EBF1: variants seen among roughly 807,000 people sequenced by gnomAD.
The protein encoded by EBF1 is transcription factor COE1.
Under a neutral mutation model 68.4 loss-of-function variants are expected in EBF1, and 10 were observed. The observed-to-expected ratio is 0.15, with a 90% confidence interval of 0.09 to 0.25. EBF1 has a LOEUF of 0.25. EBF1 is among the 10% of genes least tolerant of loss of function. The pLI, the probability that EBF1 is intolerant of heterozygous loss-of-function variation, is 1.00. For synonymous variants in EBF1, 298 were observed against 299.8 expected, an observed-to-expected ratio of 0.99 and a Z score of 0.06; for missense variants, 509 against 794.4, an observed-to-expected ratio of 0.64 and a Z score of 4.32.
At chr5:158,810,827 C>T (rs928207203) in intron 8 of EBF1, among the ~76,000 whole-genome samples, 1 of 152,086 alleles carries the variant, frequency 6.6e-6, no homozygotes, top group African/African-American at 2.4e-5. Context: ...TTTTGTGTTT[C>T]GCTTTTCTTA....
chr5:158,816,685 C>G (rs969642504), intron 8 of EBF1, among the ~76,000 whole-genome samples: 4 of 152,028 alleles, frequency 2.6e-5, no homozygotes, highest in Non-Finnish European at 5.9e-5. Context: ...GTCCTCTACT[C>G]TAAAGACCAT....
chr5:158,957,628 T>A (rs2127524643), intron 6 of EBF1, among the ~76,000 whole-genome samples: 1 of 152,370 alleles, frequency 6.6e-6, no homozygotes, highest in East Asian at 1.9e-4. Flanking sequence ...GTGTTTCAGG[T>A]AAGCCATAGT....
intron 6 of EBF1, among the ~76,000 whole-genome samples, chr5:158,932,472 A>T (rs1020478494): frequency 6.6e-6 from 1 of 152,218 alleles, no homozygotes; most frequent in African/African-American, 2.4e-5. Flanking sequence ...CAGATACCTA[A>T]GCGTGAACAG....
At chr5:158,994,095 C>T (rs1401340557) in intron 6 of EBF1, among the ~76,000 whole-genome samples, 1 of 152,180 alleles carries the variant, frequency 6.6e-6, no homozygotes, top group Non-Finnish European at 1.5e-5. Flanking sequence ...GCCAAACCCC[C>T]TCATGTGGTG....
intron 6 of EBF1, among the ~76,000 whole-genome samples, chr5:159,034,323 A>T (rs1296958305): frequency 1.3e-5 from 2 of 152,318 alleles, no homozygotes; most frequent in East Asian, 3.9e-4. Flanking sequence ...TAGATAGTGG[A>T]TTTATTTAAC....
intron 9 of EBF1, among the ~76,000 whole-genome samples, chr5:158,780,210 C>G (rs1370044596): frequency 6.6e-6 from 1 of 152,164 alleles, no homozygotes; most frequent in African/African-American, 2.4e-5. Flanking sequence ...CTTATTTTGA[C>G]AGATAAGGAC....
At chr5:158,884,275 G>A (rs1046900885) in intron 6 of EBF1, among the ~76,000 whole-genome samples, 1 of 152,116 alleles carries the variant, frequency 6.6e-6, no homozygotes, top group Non-Finnish European at 1.5e-5. Context: ...GAATAAATGA[G>A]GAGGTGAAAG....
At chr5:158,950,874 A>G (rs1561605102) in intron 6 of EBF1, among the ~76,000 whole-genome samples, 1 of 152,200 alleles carries the variant, frequency 6.6e-6, no homozygotes. Flanking sequence ...TTCAAATGAA[A>G]AATGCAAGCC....
chr5:158,793,052 A>G (rs1231491047), intron 9 of EBF1, among the ~76,000 whole-genome samples: 1 of 152,140 alleles, frequency 6.6e-6, no homozygotes, highest in African/African-American at 2.4e-5. Flanking sequence ...CTGGGGTTGG[A>G]CTGTTTGGGT....
chr5:158,834,549 TTCCATAC>T (rs1423901036), intron 7 of EBF1, among the ~76,000 whole-genome samples: 1 of 152,164 alleles, frequency 6.6e-6, no homozygotes, highest in Non-Finnish European at 1.5e-5. Context: ...ACAAGGTTTA[TTCCATAC>T]TGCCTTAAAG....
chr5:158,849,036 A>G (rs1325878198), intron 6 of EBF1, among the ~76,000 whole-genome samples: 1 of 152,200 alleles, frequency 6.6e-6, no homozygotes, highest in East Asian at 1.9e-4. Context: ...TTCAATACCA[A>G]TTTTACTAAG....
intron 6 of EBF1, among the ~76,000 whole-genome samples, chr5:158,958,851 ATTTT>A (rs1480653269): frequency 1.3e-5 from 2 of 152,086 alleles, no homozygotes; most frequent in African/African-American, 4.8e-5. Flanking sequence ...TGCCGTGCAT[ATTTT>A]AAACCATGGG....
intron 8 of EBF1, among the ~76,000 whole-genome samples, chr5:158,804,825 C>T: frequency 6.6e-6 from 1 of 152,122 alleles, no homozygotes; most frequent in East Asian, 1.9e-4. Flanking sequence ...ATATTGTCAT[C>T]AGTTCTTTGG....
In EBF1 at chr5:158,978,835, C is replaced by CACAGAG. The variant is rs753714441; in HGVS notation, c.554+94560_554+94561insCTCTGT. On this transcript the variant is annotated intron_variant, in intron 6 of 15. Coordinates refer to ENST00000313708, the MANE Select transcript of EBF1 (RefSeq NM_024007.5). ...ACACACACACACACACACACACACA[C>CACAGAG]AGAGAGAGAGTCCACAGTTCTCTTT... Among the ~76,000 whole-genome samples the CACAGAG allele has an allele frequency of 3.1e-3, 452 of 147,022 alleles. 2 individuals carry two copies. The highest frequency in any genetic ancestry group is 0.011 in the African/African-American group (406 of 38,516).
At chr5:158,719,675 C>A (rs921330141) in intron 11 of EBF1, among the ~76,000 whole-genome samples, 4 of 152,112 alleles carry the variant, frequency 2.6e-5, no homozygotes, top group Admixed American at 6.6e-5. Context: ...CCCAGATGAG[C>A]AGGGAAGATA....
rs1484301077 is a variant in EBF1, at chr5:158,706,615, C to T, written c.1744+1364G>A. 2.0e-5 allele frequency among the ~76,000 whole-genome samples: 3 copies of T among 152,278 alleles called. No homozygotes were observed. In the East Asian group the frequency reaches 5.8e-4, roughly 29 times the overall value. On this transcript the variant is annotated intron_variant, in intron 15 of 15. Coordinates refer to ENST00000313708, the MANE Select transcript of EBF1 (RefSeq NM_024007.5). ...CATAAGAAACAGGGCTGAGATATCC[C>T]AGACATGTGCACTGCCTTCCTCACC...
At chr5:158,949,893 G>T (rs797005640) in intron 6 of EBF1, among the ~76,000 whole-genome samples, 4 of 152,240 alleles carry the variant, frequency 2.6e-5, no homozygotes, top group African/African-American at 7.2e-5. Context: ...GGTAACCACC[G>T]CTCCCTAGCT....
chr5:158,826,831 A>G (rs2127887432), intron 7 of EBF1, among the ~76,000 whole-genome samples: 1 of 152,284 alleles, frequency 6.6e-6, no homozygotes, highest in East Asian at 1.9e-4. Flanking sequence ...TTCTTGGCTC[A>G]TATCAGTGGT....
At chr5:158,953,993 T>C (rs1816557008) in intron 6 of EBF1, among the ~76,000 whole-genome samples, 1 of 152,224 alleles carries the variant, frequency 6.6e-6, no homozygotes, top group Non-Finnish European at 1.5e-5. Flanking sequence ...CACATTTATA[T>C]GAATAGCAAG....
Sources: allele counts gnomAD v4.1 joint callset (sites outside exome capture counted in the v4.1 genomes callset), GRCh38; gene constraint gnomAD v4.1.1; transcripts MANE v1.5; gene names NCBI Gene and HGNC (gene_info 2026-07-23, HGNC 2026-07-21).